The following ADCY2 variants were observed in gnomAD, a reference collection of about 807,000 sequenced individuals.
ADCY2 encodes the protein adenylate cyclase 2, also known as adenylate cyclase type 2.
In ADCY2, 31 loss-of-function variants were observed where a neutral mutation model predicts 125.2. That is an observed-to-expected ratio of 0.25 (90% CI 0.19 to 0.33). ADCY2 has a LOEUF of 0.33. Ranked by LOEUF, ADCY2 falls within the 10% of genes least tolerant of loss-of-function variation. The pLI is 1.00. For synonymous variants in ADCY2, 512 were observed against 548.4 expected (o/e 0.93, Z 0.93); for missense variants, 904 against 1,418.2 (o/e 0.64, Z 5.82).
At chr5:7,581,073 G>A (rs1262165611) in intron 3 of ADCY2, among the ~76,000 whole-genome samples, 1 of 152,154 alleles carries the variant, frequency 6.6e-6, no homozygotes, top group Non-Finnish European at 1.5e-5. Context: ...GAAAGTAAAG[G>A]AACTCCTTCA....
chr5:7,465,003 G>C (rs1036231406), intron 2 of ADCY2, among the ~76,000 whole-genome samples: 2 of 152,178 alleles, frequency 1.3e-5, no homozygotes, highest in Non-Finnish European at 1.5e-5. Context: ...GCAGGCAAGA[G>C]AGAATGAGCG....
chr5:7,648,649 A>G (rs1738980635), intron 4 of ADCY2, among the ~76,000 whole-genome samples: 1 of 152,232 alleles, frequency 6.6e-6, no homozygotes, highest in South Asian at 2.1e-4. Flanking sequence ...TGAAATATAT[A>G]AATATGTATA....
chr5:7,538,221 C>T (rs1265109930), intron 3 of ADCY2, among the ~76,000 whole-genome samples: 1 of 152,150 alleles, frequency 6.6e-6, no homozygotes, highest in Non-Finnish European at 1.5e-5. Flanking sequence ...TCAAAGATAG[C>T]ATGATCCATA....
rs953580493 is a variant in ADCY2, at chr5:7,653,516, G to A, written c.720+27200G>A. On this transcript the variant is annotated intron_variant, in intron 4 of 24. Coordinates refer to ENST00000338316, the MANE Select transcript of ADCY2 (RefSeq NM_020546.3). ...CCAGCTACTCAGGAGGCTGGGGGAG[G>A]AGAATGGCATGAACCCGGGAGGTGG... Among the ~76,000 whole-genome samples the A allele has an allele frequency of 1.4e-4, 22 of 152,066 alleles. 1 individual carries two copies. The highest frequency in any genetic ancestry group is 9.8e-4 in the Admixed American group (15 of 15,268).
At chr5:7,499,648 GATATATATATAT>G (rs70940741) in intron 2 of ADCY2, among the ~76,000 whole-genome samples, 3,818 of 118,402 alleles carry the variant, frequency 0.032, 118 homozygotes, top group South Asian at 0.14. Context: ...TATGTGGGTG[GATATATATATAT>G]ATATATATAT....
intron 4 of ADCY2, among the ~76,000 whole-genome samples, chr5:7,651,693 G>T (rs1032258782): frequency 6.6e-6 from 1 of 152,042 alleles, no homozygotes; most frequent in Admixed American, 6.6e-5. Flanking sequence ...AGACACACCC[G>T]GGAGCAACAC....
intron 18 of ADCY2, among the ~76,000 whole-genome samples, chr5:7,782,859 C>T (rs966561940): frequency 3.3e-5 from 5 of 152,170 alleles, no homozygotes; most frequent in South Asian, 2.1e-4. Flanking sequence ...TGTTGGACAC[C>T]GCAGTCATAG....
At chr5:7,762,889 C>T (rs948053020) in intron 16 of ADCY2, among the ~76,000 whole-genome samples, 3 of 152,018 alleles carry the variant, frequency 2.0e-5, no homozygotes, top group South Asian at 4.1e-4. Context: ...GCTGTGGGCG[C>T]GCATATGCTT....
rs912310191 is a variant in ADCY2, at chr5:7,397,618, T to C, written c.210+1112T>C. ...CCATGCATAAAATAGCTGTCCTTGG[T>C]ATTTGGCAATTTGTTTAGGATGTCC... On this transcript the variant is annotated intron_variant, in intron 1 of 24. Coordinates refer to ENST00000338316, the MANE Select transcript of ADCY2 (RefSeq NM_020546.3). Among the ~76,000 whole-genome samples, 4 of 152,298 alleles carry C rather than the reference T, an allele frequency of 2.6e-5. No homozygotes were observed. The Middle Eastern group carries it at 0.01, about 389-fold the overall frequency.
chr5:7,755,433 T>G (rs1237891775), intron 15 of ADCY2, among the ~76,000 whole-genome samples: 1 of 143,990 alleles, frequency 6.9e-6, no homozygotes, highest in African/African-American at 2.5e-5. Flanking sequence ...TGGAAAGGAG[T>G]AGAGAGGAGG....
intron 2 of ADCY2, among the ~76,000 whole-genome samples, chr5:7,454,364 G>A (rs938619605): frequency 4.6e-5 from 7 of 152,102 alleles, no homozygotes; most frequent in Non-Finnish European, 1.0e-4. Flanking sequence ...AAATTGGTGC[G>A]ACTCACTTTA....
chr5:7,514,975 A>T (rs772961344), intron 2 of ADCY2, among the ~76,000 whole-genome samples: 1 of 152,246 alleles, frequency 6.6e-6, no homozygotes, highest in Non-Finnish European at 1.5e-5. Flanking sequence ...AATTTGTTAC[A>T]TCAGCCTCAA....
At chr5:7,561,928 A>C (rs932126668) in intron 3 of ADCY2, among the ~76,000 whole-genome samples, 1 of 152,110 alleles carries the variant, frequency 6.6e-6, no homozygotes, top group Non-Finnish European at 1.5e-5. Context: ...AAGTCTTCAC[A>C]CTCAGGAATA....
chr5:7,811,241 G>A (rs977212666), intron 22 of ADCY2, among the ~76,000 whole-genome samples: 3 of 152,124 alleles, frequency 2.0e-5, no homozygotes, highest in Non-Finnish European at 2.9e-5. Context: ...AGTGGCTCAC[G>A]CCTGTAATCC....
At chr5:7,536,997 T>A (rs1734834439) in intron 3 of ADCY2, among the ~76,000 whole-genome samples, 1 of 146,570 alleles carries the variant, frequency 6.8e-6, no homozygotes, top group Admixed American at 7.1e-5. Flanking sequence ...AATCAATAAA[T>A]CACAGTTATT....
At position 7,722,960 on chromosome 5, in the gene ADCY2, C is replaced by CAAAA. The variant is rs60426818; in HGVS notation, c.1704-1562_1704-1559dup. Among the ~76,000 whole-genome samples the CAAAA allele has an allele frequency of 4.1e-4, 21 of 51,668 alleles. 1 individual carries two copies. The highest frequency in any genetic ancestry group is 1.4e-3 in the African/African-American group (19 of 13,294). 33.9% of individuals were successfully genotyped at this position (51,668 alleles called of 152,430 possible). On this transcript the variant is annotated intron_variant, in intron 12 of 24. Transcript: ENST00000338316. ...GGGCAACAAGAGCGAAACTCCATCT[C>CAAAA]AAAAAAAAAAAAAAAAAAAAAAAAA...
intron 1 of ADCY2, among the ~76,000 whole-genome samples, chr5:7,398,976 T>C (rs1391475342): frequency 1.3e-5 from 2 of 152,196 alleles, no homozygotes; most frequent in East Asian, 3.8e-4. Context: ...GGTAAAGCTG[T>C]GTTCATGTAA....
At chr5:7,469,101 G>A (rs1025473657) in intron 2 of ADCY2, among the ~76,000 whole-genome samples, 8 of 151,836 alleles carry the variant, frequency 5.3e-5, no homozygotes, top group Admixed American at 4.6e-4. Flanking sequence ...TTAATAAGTA[G>A]CATTCATTTA....
At chr5:7,739,682 A>G (rs543820321) in intron 14 of ADCY2, among the ~76,000 whole-genome samples, 2 of 150,572 alleles carry the variant, frequency 1.3e-5, no homozygotes, top group East Asian at 3.9e-4. Context: ...GAAGAAAGAA[A>G]AACAGGGAGA....
Sources: gnomAD v4.1 joint callset for allele counts (sites outside exome capture counted in the v4.1 genomes callset) on GRCh38, gnomAD v4.1.1 for gene constraint, MANE v1.5 for transcripts, NCBI Gene and HGNC (gene_info 2026-07-23, HGNC 2026-07-21) for gene names.